NR6A1: variants seen among roughly 807,000 people sequenced by gnomAD.
NR6A1 encodes the protein nuclear receptor subfamily 6 group A member 1.
Under a neutral mutation model 59.1 loss-of-function variants are expected in NR6A1, and 7 were observed. That is an observed-to-expected ratio of 0.12 (90% CI 0.07 to 0.22). The LOEUF (loss-of-function observed/expected upper bound fraction) is 0.22. Among genes scored for constraint, NR6A1 ranks in the 10% least tolerant of loss-of-function variants. The pLI is 1.00. For missense variants in NR6A1, 468 were observed against 611.6 expected, an observed-to-expected ratio of 0.77 and a Z score of 2.48; for synonymous variants, 243 against 236.1, an observed-to-expected ratio of 1.03 and a Z score of -0.27.
At chr9:124,624,174 G>T (rs149520753) in intron 2 of NR6A1, among the ~76,000 whole-genome samples, 47 of 152,264 alleles carry the variant, frequency 3.1e-4, no homozygotes, top group African/African-American at 1.1e-3. Context: ...TCAAAGGTAT[G>T]GTGACTCACA....
At position 124,520,041 on chromosome 9, in the gene NR6A1, C is replaced by T. The variant is rs765883902; in HGVS notation, c.*2664G>A. The T allele has an allele frequency of 1.3e-5, 2 of 151,798 alleles. No individual in the cohort carries two copies. Among genetic ancestry groups the T allele is most frequent in the Non-Finnish European group, 2.9e-5 (2 of 68,014 alleles). 9.4% of individuals were successfully genotyped at this position (151,798 alleles called of 1,614,324 possible). A position where few individuals can be genotyped will look rare whatever the true frequency, so the allele number is the denominator to read the frequency against. On this transcript the variant is annotated 3_prime_UTR_variant, in exon 10 of 10. Coordinates refer to ENST00000487099, the MANE Select transcript of NR6A1 (RefSeq NM_033334.4). ...TCTCCTTCCACTCGCAAAAAGGCTA[C>T]CTGTTAACCAAACATTATGGGGAAG...
intron 3 of NR6A1, among the ~76,000 whole-genome samples, chr9:124,546,788 C>T (rs1297358132): frequency 2.6e-5 from 4 of 152,176 alleles, no homozygotes; most frequent in African/African-American, 9.7e-5. Flanking sequence ...AAAACAAAAA[C>T]TTGGACCATA....
intron 2 of NR6A1, chr9:124,599,625 G>A (rs1835392067): frequency 3.4e-6 from 4 of 1,172,478 alleles, no homozygotes; most frequent in Admixed American, 4.1e-5. Flanking sequence ...GGTCGTCGCC[G>A]GCTCCGCGGC....
Position 124,600,730 on chromosome 9 carries a change from A to T in NR6A1, c.143-46160T>A, listed in dbSNP as rs183148750. Among the ~76,000 whole-genome samples the T allele has an allele frequency of 9.8e-5, 15 of 152,346 alleles. No homozygotes were observed. The East Asian group carries it at 2.7e-3, about 27-fold the overall frequency. On this transcript the variant is annotated intron_variant, in intron 2 of 9. Coordinates refer to ENST00000487099, the MANE Select transcript of NR6A1 (RefSeq NM_033334.4). The stretch of plus-strand genomic sequence containing the variant: ...TATGAGTACTGTAACTAAAGTGGGT[A>T]AGAAAAGTGTTGGAGAAACAAAGAT...
At chr9:124,586,570 C>T (rs1251212159) in intron 2 of NR6A1, among the ~76,000 whole-genome samples, 1 of 152,130 alleles carries the variant, frequency 6.6e-6, no homozygotes, top group Admixed American at 6.5e-5. Context: ...CTCAGTCTGC[C>T]AAGTAGCTGG....
intron 2 of NR6A1, among the ~76,000 whole-genome samples, chr9:124,670,322 T>C (rs548123454): frequency 1.6e-4 from 24 of 151,316 alleles, no homozygotes; most frequent in African/African-American, 4.1e-4. Context: ...AGCCCAGGAG[T>C]TGGAGGCTGC....
chr9:124,589,265 T>G (rs1288366014), intron 2 of NR6A1, among the ~76,000 whole-genome samples: 2 of 151,932 alleles, frequency 1.3e-5, no homozygotes, highest in African/African-American at 2.4e-5. Context: ...GCTAACACGG[T>G]GAAACCCCGT....
At chr9:124,566,018 G>A (rs1834229593) in intron 2 of NR6A1, among the ~76,000 whole-genome samples, 2 of 152,140 alleles carry the variant, frequency 1.3e-5, no homozygotes, top group Admixed American at 6.6e-5. Flanking sequence ...TGTTCACAAC[G>A]GCATGCTTTA....
intron 7 of NR6A1, among the ~76,000 whole-genome samples, chr9:124,533,071 A>G (rs1833145878): frequency 1.3e-5 from 2 of 152,354 alleles, no homozygotes; most frequent in South Asian, 4.1e-4. Flanking sequence ...CTGTACTGCC[A>G]GTGACCCCTG....
chr9:124,770,675 C>T (rs1841116169), intron 1 of NR6A1, among the ~76,000 whole-genome samples: 1 of 103,448 alleles, frequency 9.7e-6, no homozygotes, highest in African/African-American at 3.8e-5. Context: ...GGGAGGGGAC[C>T]CGGGGGGAGG....
intron 2 of NR6A1, among the ~76,000 whole-genome samples, chr9:124,622,765 A>G (rs1564205376): frequency 6.6e-6 from 1 of 152,292 alleles, no homozygotes; most frequent in Non-Finnish European, 1.5e-5. Context: ...CTTAAAAAAA[A>G]AAGAGTAGGA....
At chr9:124,734,656 G>C (rs541183156) in intron 1 of NR6A1, among the ~76,000 whole-genome samples, 82 of 152,014 alleles carry the variant, frequency 5.4e-4, no homozygotes, top group South Asian at 2.3e-3. Context: ...TTGAACCATT[G>C]CACTCCAGCC....
At chr9:124,601,563 G>A (rs1285101031) in intron 2 of NR6A1, among the ~76,000 whole-genome samples, 6 of 135,908 alleles carry the variant, frequency 4.4e-5, no homozygotes, top group South Asian at 2.3e-4. Context: ...CAGCCTGGGC[G>A]ACAGAGGGAG....
intron 2 of NR6A1, among the ~76,000 whole-genome samples, chr9:124,684,153 G>A (rs1483761294): frequency 6.6e-6 from 1 of 152,156 alleles, no homozygotes; most frequent in Non-Finnish European, 1.5e-5. Context: ...GTATGACCAA[G>A]CTGCCTCTCT....
chr9:124,626,797 A>G (rs1263709839), intron 2 of NR6A1, among the ~76,000 whole-genome samples: 3 of 152,026 alleles, frequency 2.0e-5, no homozygotes, highest in Non-Finnish European at 2.9e-5. Flanking sequence ...AGCCGGGCGT[A>G]GGGGCACACG....
rs143806861 is a variant in NR6A1, at chr9:124,526,890, C to T, written c.1090G>A (p.Glu364Lys). Residue 364 changes from glutamate to lysine, a missense_variant, in exon 8 of 10, where the codon GAA becomes AAA. By Grantham distance (56) the Glu-to-Lys change is moderately conservative. Coordinates refer to ENST00000487099, the MANE Select transcript of NR6A1 (RefSeq NM_033334.4). ...AGCCGCTCGATCACCTCCATCCCTT[C>T]ATCACTAAATCTGAGGAACAGACAC... ...SDEELHRFSDEGMEVIERLIY... is the reference protein window; with the variant it reads ...SDEELHRFSDKGMEVIERLIY... The T allele has an allele frequency of 5.3e-5, 85 of 1,613,960 alleles. No individual in the cohort carries two copies. The highest frequency in any genetic ancestry group is 6.5e-5 in the Non-Finnish European group (77 of 1,179,844).
At chr9:124,763,389 A>G (rs1181432797) in intron 1 of NR6A1, among the ~76,000 whole-genome samples, 7 of 152,264 alleles carry the variant, frequency 4.6e-5, no homozygotes, top group Non-Finnish European at 2.9e-5. Context: ...ATGTCAATAC[A>G]GTAAAAAAGG....
chr9:124,762,935 G>A (rs1207044503), intron 1 of NR6A1, among the ~76,000 whole-genome samples: 2 of 152,138 alleles, frequency 1.3e-5, no homozygotes, highest in African/African-American at 4.8e-5. Flanking sequence ...TTTATTTACT[G>A]GCAACCAATA....
At chr9:124,769,409 G>C (rs1218451669) in intron 1 of NR6A1, among the ~76,000 whole-genome samples, 1 of 152,128 alleles carries the variant, frequency 6.6e-6, no homozygotes, top group Non-Finnish European at 1.5e-5. Context: ...GTTAATAAAC[G>C]TATGAAGGCA....
Sources: allele counts gnomAD v4.1 joint callset (sites outside exome capture counted in the v4.1 genomes callset), GRCh38; gene constraint gnomAD v4.1.1; transcripts MANE v1.5; gene names NCBI Gene and HGNC (gene_info 2026-07-23, HGNC 2026-07-21).